The following EGFL7 variants were observed in gnomAD, a reference collection of about 807,000 sequenced individuals.
EGFL7 encodes the protein EGF like domain multiple 7, also known as epidermal growth factor-like protein 7.
EGFL7 carries 48 observed loss-of-function variants against 37.1 expected under a neutral mutation model. That is an observed-to-expected ratio of 1.29 (90% CI 1.03 to 1.65). The LOEUF is 1.65. EGFL7 is among the 40% of genes most tolerant of loss of function. EGFL7 has a pLI of 0.00. For missense variants in EGFL7, 384 were observed against 378.9 expected (o/e 1.01, Z -0.11); for synonymous variants, 180 against 156.8 (o/e 1.15, Z -1.10).
intron 10 of EGFL7, 35 bp downstream of exon 10, chr9:136,672,123 G>T: frequency 6.4e-7 from 1 of 1,554,760 alleles, no homozygotes; most frequent in Non-Finnish European, 8.7e-7. Flanking sequence ...CCTCCTCCCG[G>T]GTCTGGGCCC....
chr9:136,672,388 G>A lies in EGFL7; in HGVS notation c.*102G>A. 1 of 1,481,812 alleles carries A rather than the reference G, an allele frequency of 6.7e-7. No homozygotes were observed. Among genetic ancestry groups the A allele is most frequent in the Non-Finnish European group, 9.4e-7 (1 of 1,065,682 alleles). The allele number at this position is 1,481,812 out of a possible 1,614,324, so 91.8% of individuals were successfully genotyped here. ...GTCCAGAAACCACCTCGGGGTGACT[G>A]AGCGGAAGGCCAGGCAGGGCCTTCC... is the stretch of plus-strand genomic sequence containing the variant. On this transcript the variant is annotated 3_prime_UTR_variant, in exon 11 of 11. Coordinates refer to ENST00000308874, the MANE Select transcript of EGFL7 (RefSeq NM_016215.5).
chr9:136,672,144 G>A, intron 10 of EGFL7, 56 bp downstream of exon 10: 1 of 1,573,590 alleles, frequency 6.4e-7, no homozygotes, highest in South Asian at 1.2e-5. Flanking sequence ...AGTGGGCCTA[G>A]AGGGGCTACC....
In EGFL7 at chr9:136,670,321, A is replaced by C; in HGVS notation, c.562A>C (p.Asn188His). 1 of 1,575,584 alleles carries C rather than the reference A, an allele frequency of 6.3e-7. No homozygotes were observed. The change falls in exon 8 of 11, where the codon AAC becomes CAC. Residue 188 changes from asparagine (N) to histidine (H), a missense_variant. Coordinates refer to ENST00000308874, the MANE Select transcript of EGFL7 (RefSeq NM_016215.5). ...PKGGPPRVAP[N>H]PTGVDSAMKE... ...GGGAGGGCCCCCCAGGGTGGCCCCC[A>C]ACCCGACAGGTAAACAGCCCTGGCT...
At chr9:136,662,756 C>T (rs1442687353), upstream of EGFL7, among the ~76,000 whole-genome samples, 1 of 152,144 alleles carries the variant, frequency 6.6e-6, no homozygotes, top group Non-Finnish European at 1.5e-5. Flanking sequence ...GTCCAGGCCC[C>T]CTCACACGGT....
upstream of EGFL7, chr9:136,658,978 G>A (rs1844980177): frequency 6.7e-6 from 1 of 149,074 alleles, no homozygotes; most frequent in South Asian, 2.3e-4. Flanking sequence ...GGGGAAGGGC[G>A]AGGGGTCCCC....
chr9:136,670,528 C>T, intron 8 of EGFL7, 198 bp downstream of exon 8: 2 of 823,648 alleles, frequency 2.4e-6, no homozygotes, highest in South Asian at 2.8e-5. Context: ...CTCATATCAG[C>T]CAAGAAGGCA....
intron 6 of EGFL7, 81 bp downstream of exon 6, chr9:136,669,802 T>C: frequency 1.4e-6 from 2 of 1,452,098 alleles, no homozygotes; most frequent in Middle Eastern, 2.2e-4. Flanking sequence ...GCTGCTTTTC[T>C]TGAACCCCGA....
rs199868167 is a variant in EGFL7 at position 136,672,246 on chromosome 9, C to A, written c.800-18C>A. ...GTGGGGAGCAGTGATCTCTGACCTT[C>A]GCCTCATCCAACCCTAGGCTCCTGC... On this transcript the variant is annotated intron_variant, in intron 10 of 10. Coordinates refer to ENST00000308874, the MANE Select transcript of EGFL7 (RefSeq NM_016215.5). The A allele has an allele frequency of 3.7e-4, 600 of 1,613,280 alleles. No homozygotes were observed. The highest frequency in any genetic ancestry group is 4.9e-4 in the Non-Finnish European group (578 of 1,179,946).
chr9:136,671,630 C>T (rs1845910824), intron 9 of EGFL7, among the ~76,000 whole-genome samples: 1 of 151,864 alleles, frequency 6.6e-6, no homozygotes, highest in African/African-American at 2.4e-5. Flanking sequence ...CATCTTTGTC[C>T]CCACCAGGAC....
chr9:136,668,181 CTG>C, intron 3 of EGFL7, 58 bp from the exon 4 acceptor site: 1 of 1,027,164 alleles, frequency 9.7e-7, no homozygotes, highest in South Asian at 1.6e-5. Flanking sequence ...CAAGTGCAAA[CTG>C]CACCCGCGTC....
At chr9:136,670,073 G>A (rs1186105206) in intron 7 of EGFL7, 64 bp downstream of exon 7, 2 of 1,599,286 alleles carry the variant, frequency 1.3e-6, no homozygotes, top group African/African-American at 2.7e-5. Context: ...CATGTCCTGG[G>A]GTTACTGCTG....
chr9:136,670,635 C>T (rs1845789473), intron 8 of EGFL7: 1 of 772,190 alleles, frequency 1.3e-6, no homozygotes, highest in Non-Finnish European at 2.4e-6. Context: ...TTTTGGTACG[C>T]GCTGTGACAC....
chr9:136,670,695 A>C, intron 8 of EGFL7: 1 of 772,684 alleles, frequency 1.3e-6, no homozygotes. Flanking sequence ...CACCGCATCG[A>C]AAACGCCGCT....
At position 136,672,065 on chromosome 9, in the gene EGFL7, T is replaced by A; in HGVS notation, c.776T>A (p.Phe259Tyr). ...GACTCCCTGAGCGAGCAGATTTCCTTCCTGGAGGAGCAGCTGGGGTCCTGT... is the reference window on the plus strand; with the variant it reads ...GACTCCCTGAGCGAGCAGATTTCCTACCTGGAGGAGCAGCTGGGGTCCTGT... Reference protein sequence around the residue: ...RIDSLSEQISFLEEQLGSCSC... With the variant: ...RIDSLSEQISYLEEQLGSCSC... The change falls in exon 10 of 11, where the codon TTC becomes TAC. Residue 259 changes from phenylalanine (F) to tyrosine (Y), a missense_variant. By Grantham distance (22) the Phe-to-Tyr change is conservative. Transcript: ENST00000308874. The A allele has an allele frequency of 6.5e-7, 1 of 1,546,698 alleles. No homozygotes were observed. The highest frequency in any genetic ancestry group is 8.7e-7 in the Non-Finnish European group (1 of 1,146,970).
chr9:136,664,204 A>G (rs377610643), intron 2 of EGFL7, among the ~76,000 whole-genome samples: 129 of 152,306 alleles, frequency 8.5e-4, no homozygotes, highest in African/African-American at 3.0e-3. Context: ...CCCTTGGACC[A>G]CGTGCCAGGG....
chr9:136,672,306 G>A lies in EGFL7; in HGVS notation c.*20G>A, dbSNP rs747908981. 7 of 1,613,004 alleles carry A rather than the reference G, an allele frequency of 4.3e-6. No homozygotes were observed. The South Asian group carries it at 4.4e-5, about 10-fold the overall frequency. Reference sequence around the variant, plus strand: ...TCGTGACTGCCCAGCGCCCCAGGCTGGACTGAGCCCCTCACGCCGCCCTGC... The same window carrying A: ...TCGTGACTGCCCAGCGCCCCAGGCTAGACTGAGCCCCTCACGCCGCCCTGC... On this transcript the variant is annotated 3_prime_UTR_variant, in exon 11 of 11. Transcript: ENST00000308874.
chr9:136,671,035 G>A (rs34271855), intron 9 of EGFL7, 21 bp downstream of exon 9: 6 of 919,140 alleles, frequency 6.5e-6, no homozygotes, highest in South Asian at 4.5e-5. Flanking sequence ...GGTGGGGGGG[G>A]GGGGGGGCAG....
In EGFL7 at chr9:136,666,977, G is replaced by A; in HGVS notation, c.-42-1264G>A. 6.6e-6 allele frequency among the ~76,000 whole-genome samples: 1 copy of A among 151,832 alleles called. No homozygotes were observed. The highest frequency in any genetic ancestry group is 1.5e-5 in the Non-Finnish European group (1 of 67,986). On this transcript the variant is annotated intron_variant, in intron 3 of 10. Coordinates refer to ENST00000308874, the MANE Select transcript of EGFL7 (RefSeq NM_016215.5). This position sits in a 1 kb window ranked among gnomAD's most constrained non-coding sequence, Gnocchi z 6.8. The stretch of plus-strand genomic sequence containing the variant: ...CAGGGCAGCCTCTGCCTAGTTGGCA[G>A]CCTCTGCCCTGCCCTCCTCTCTCCA...
chr9:136,663,960 G>T (rs1356557748), intron 2 of EGFL7, among the ~76,000 whole-genome samples: 5 of 152,370 alleles, frequency 3.3e-5, no homozygotes, highest in South Asian at 4.1e-4. Context: ...AGGCAGGAGA[G>T]GTGGGGAGGC....
Sources: gnomAD v4.1 joint callset for allele counts (sites outside exome capture counted in the v4.1 genomes callset) on GRCh38, gnomAD v4.1.1 for gene constraint, Gnocchi (gnomAD v3.1) non-coding constraint, MANE v1.5 for transcripts, NCBI Gene and HGNC (gene_info 2026-07-23, HGNC 2026-07-21) for gene names.